SLC16A10: variants seen among roughly 807,000 people sequenced by gnomAD.
The protein encoded by SLC16A10 is solute carrier family 16 member 10.
A neutral mutation model predicts 40.0 loss-of-function variants in SLC16A10; 27 were observed. The observed-to-expected ratio is 0.67, with a 90% CI of 0.50 to 0.93. The LOEUF is 0.93. SLC16A10 is among the 40% of genes least tolerant of loss of function. SLC16A10 has a pLI of 0.00. For synonymous variants in SLC16A10, 213 were observed against 249.8 expected, an observed-to-expected ratio of 0.85 and a Z score of 1.39; for missense variants, 529 against 658.2, an observed-to-expected ratio of 0.80 and a Z score of 2.15.
In SLC16A10 at chr6:111,087,691, G is replaced by T; in HGVS notation, c.-62G>T. On this transcript the variant is annotated 5_prime_UTR_variant, in exon 1 of 6. Coordinates refer to ENST00000368851, the MANE Select transcript of SLC16A10 (RefSeq NM_018593.5). ...GCCAGGAGCCCCGCAGCTCCTCCGG[G>T]AGCCCGCTGGTAACTCGCGTCCCTC... 1 of 990,152 alleles carries T rather than the reference G, an allele frequency of 1.0e-6. No individual in the cohort carries two copies. The highest frequency in any genetic ancestry group is 5.1e-5 in the South Asian group (1 of 19,752). 61.3% of individuals were successfully genotyped at this position (990,152 alleles called of 1,614,324 possible).
At chr6:111,137,604 A>T (rs1771903026) in intron 1 of SLC16A10, among the ~76,000 whole-genome samples, 1 of 152,218 alleles carries the variant, frequency 6.6e-6, no homozygotes, top group Non-Finnish European at 1.5e-5. Flanking sequence ...CCATGCTTCG[A>T]TGTTGATGAT....
intron 1 of SLC16A10, among the ~76,000 whole-genome samples, chr6:111,156,286 T>C (rs1263419247): frequency 6.6e-6 from 1 of 152,158 alleles, no homozygotes; most frequent in Admixed American, 6.5e-5. Flanking sequence ...AATTCCCCAC[T>C]CCTGTAAGTG....
intron 3 of SLC16A10, among the ~76,000 whole-genome samples, chr6:111,206,251 A>AT (rs1299961315): frequency 6.6e-6 from 1 of 151,852 alleles, no homozygotes; most frequent in Non-Finnish European, 1.5e-5. Flanking sequence ...TAATTTTTAT[A>AT]TTTTTAGTAG....
rs71838611 is a variant in SLC16A10 at position 111,223,344 on chromosome 6, G to GTTT, written c.*1116_*1118dup. On this transcript the variant is annotated 3_prime_UTR_variant, in exon 6 of 6. Transcript: ENST00000368851. ...TATTTATCCTATGAACATTCCCATT[G>GTTT]TTTTTTTTTGCTATTTATATACAGA... The GTTT allele has an allele frequency of 2.7e-5, 4 of 150,456 alleles. No individual in the cohort carries two copies. The highest frequency in any genetic ancestry group is 9.8e-5 in the African/African-American group (4 of 40,912). The allele number at this position is 150,456 out of a possible 1,614,324, so 9.3% of individuals were successfully genotyped here.
intron 1 of SLC16A10, among the ~76,000 whole-genome samples, chr6:111,099,057 A>G (rs1226798580): frequency 6.6e-6 from 1 of 152,214 alleles, no homozygotes; most frequent in Non-Finnish European, 1.5e-5. Context: ...ATAAGATCAG[A>G]TTCTTTGGCC....
chr6:111,166,611 A>C (rs1002226523), intron 1 of SLC16A10, among the ~76,000 whole-genome samples: 19 of 152,266 alleles, frequency 1.2e-4, no homozygotes, highest in African/African-American at 4.6e-4. Context: ...AAAACTATTC[A>C]TCAACCTTTA....
chr6:111,177,293 T>G lies in SLC16A10; in HGVS notation c.570T>G (p.Ile190Met). The G allele has an allele frequency of 6.2e-7, 1 of 1,611,766 alleles. No individual in the cohort carries two copies. Among genetic ancestry groups the G allele is most frequent in the Non-Finnish European group, 8.5e-7 (1 of 1,179,186 alleles). The change falls in exon 3 of 6, where the codon ATT becomes ATG. Residue 190 changes from isoleucine to methionine, a missense_variant. Transcript: ENST00000368851. ...TTGCATACCAGCCTTCATTGGTCAT[T>G]TTGGGACACTATTTCAAGAAGCGCC... ...CSFAYQPSLV[I>M]LGHYFKKRLG...
At chr6:111,096,860 TCA>T (rs1348534723) in intron 1 of SLC16A10, among the ~76,000 whole-genome samples, 1 of 152,134 alleles carries the variant, frequency 6.6e-6, no homozygotes, top group African/African-American at 2.4e-5. Context: ...GCTCTCTTGC[TCA>T]GACTGGAGTG....
At chr6:111,100,974 CTCTCTCTCTCTCTCTCTCTA>C (rs1562397123) in intron 1 of SLC16A10, among the ~76,000 whole-genome samples, 1 of 123,200 alleles carries the variant, frequency 8.1e-6, no homozygotes, top group Non-Finnish European at 1.6e-5. Context: ...CTCTCTCTCT[CTCTCTCTCTCTCTCTCTCTA>C]TATATATATA....
chr6:111,187,212 C>A (rs1242086258), intron 3 of SLC16A10, among the ~76,000 whole-genome samples: 1 of 152,120 alleles, frequency 6.6e-6, no homozygotes, highest in South Asian at 2.1e-4. Flanking sequence ...CAAGATGCTT[C>A]CACATTATCT....
At chr6:111,106,823 T>C (rs1182517858) in intron 1 of SLC16A10, among the ~76,000 whole-genome samples, 1 of 152,202 alleles carries the variant, frequency 6.6e-6, no homozygotes, top group African/African-American at 2.4e-5. Context: ...GAAAATACAT[T>C]GATACACTGT....
At chr6:111,147,927 C>A (rs1299592172) in intron 1 of SLC16A10, among the ~76,000 whole-genome samples, 2 of 152,152 alleles carry the variant, frequency 1.3e-5, no homozygotes, top group African/African-American at 4.8e-5. Context: ...GTTTCTCTTA[C>A]GTGACTCTGA....
At chr6:111,166,526 G>T (rs1177634236) in intron 1 of SLC16A10, among the ~76,000 whole-genome samples, 3 of 151,512 alleles carry the variant, frequency 2.0e-5, no homozygotes, top group Admixed American at 6.6e-5. Context: ...ACCAATATTG[G>T]TTATTACAGA....
At chr6:111,190,096 G>T (rs996458189) in intron 3 of SLC16A10, among the ~76,000 whole-genome samples, 1 of 152,188 alleles carries the variant, frequency 6.6e-6, no homozygotes, top group Non-Finnish European at 1.5e-5. Context: ...TACAATAGGG[G>T]TACATGCATT....
chr6:111,088,161 G>A, intron 1 of SLC16A10, 66 bp downstream of exon 1: 2 of 1,488,448 alleles, frequency 1.3e-6, no homozygotes, highest in African/African-American at 1.4e-5. Flanking sequence ...CGCATCCCGC[G>A]TGTGGGCTGT....
chr6:111,167,490 T>A (rs1436455857), intron 1 of SLC16A10, among the ~76,000 whole-genome samples: 1 of 152,116 alleles, frequency 6.6e-6, no homozygotes, highest in Non-Finnish European at 1.5e-5. Context: ...TGTGGAGAGT[T>A]CTGTGGGGGC....
chr6:111,125,512 T>C (rs1257271860), intron 1 of SLC16A10, among the ~76,000 whole-genome samples: 1 of 152,166 alleles, frequency 6.6e-6, no homozygotes, highest in African/African-American at 2.4e-5. Context: ...AAAAAACTGT[T>C]CTATCCACAT....
At chr6:111,180,150 C>G (rs1036266803) in intron 3 of SLC16A10, among the ~76,000 whole-genome samples, 1 of 152,196 alleles carries the variant, frequency 6.6e-6, no homozygotes, top group Non-Finnish European at 1.5e-5. Flanking sequence ...TTATAAAGCA[C>G]TTTTACATAC....
rs968532213 is a variant in SLC16A10 at position 111,226,143 on chromosome 6, A to G, written c.*3908A>G. ...AGTATCTTTTATGCTAACATTTAAA[A>G]CTGTATTTAAATTTTTAAGGTAAAT... On this transcript the variant is annotated 3_prime_UTR_variant, in exon 6 of 6. Coordinates refer to ENST00000368851, the MANE Select transcript of SLC16A10 (RefSeq NM_018593.5). 6.6e-6 allele frequency: 1 copy of G among 152,190 alleles called. No individual in the cohort carries two copies. The highest frequency in any genetic ancestry group is 1.5e-5 in the Non-Finnish European group (1 of 68,032). 9.4% of individuals were successfully genotyped at this position (152,190 alleles called of 1,614,324 possible).
Sources: gnomAD v4.1 joint callset for allele counts (sites outside exome capture counted in the v4.1 genomes callset) on GRCh38, gnomAD v4.1.1 for gene constraint, MANE v1.5 for transcripts, NCBI Gene and HGNC (gene_info 2026-07-23, HGNC 2026-07-21) for gene names.